Variants in PIEZO2 observed in about 807,000 individuals in gnomAD.
The protein encoded by PIEZO2 is piezo-type mechanosensitive ion channel component 2.
Under a neutral mutation model 337.3 loss-of-function variants are expected in PIEZO2, and 172 were observed. The observed-to-expected ratio is 0.51, with a 90% CI of 0.45 to 0.58. The LOEUF (loss-of-function observed/expected upper bound fraction) is 0.58, where lower values mean the gene tolerates loss of function less well. PIEZO2 is among the 20% of genes least tolerant of loss of function. The pLI, the probability that PIEZO2 is intolerant of heterozygous loss-of-function variation, is 0.00. For synonymous variants in PIEZO2, 1,251 were observed against 1,228.5 expected, an observed-to-expected ratio of 1.02 and a Z score of -0.38; for missense variants, 3,028 against 3,391.3, an observed-to-expected ratio of 0.89 and a Z score of 2.66.
intron 3 of PIEZO2, among the ~76,000 whole-genome samples, chr18:10,956,478 C>T (rs755070552): frequency 1.3e-5 from 2 of 152,120 alleles, no homozygotes; most frequent in Non-Finnish European, 2.9e-5. Context: ...AGATTCAATG[C>T]AATCCCTCTC....
intron 4 of PIEZO2, among the ~76,000 whole-genome samples, chr18:10,896,742 C>G (rs1309070694): frequency 6.6e-6 from 1 of 152,190 alleles, no homozygotes; most frequent in Non-Finnish European, 1.5e-5. Flanking sequence ...TCTCATGGCT[C>G]ACAAATTCAG....
chr18:11,130,516 A>G (rs2040310346), intron 1 of PIEZO2, among the ~76,000 whole-genome samples: 1 of 152,206 alleles, frequency 6.6e-6, no homozygotes. Context: ...TTTCACTTCC[A>G]CAAGATATCA....
At chr18:11,034,628 T>A (rs929571907) in intron 2 of PIEZO2, among the ~76,000 whole-genome samples, 4 of 152,226 alleles carry the variant, frequency 2.6e-5, no homozygotes, top group Non-Finnish European at 4.4e-5. Flanking sequence ...TCACTTAGTC[T>A]TATCCTCCTA....
chr18:10,938,841 C>T (rs1049497491), intron 3 of PIEZO2, among the ~76,000 whole-genome samples: 6 of 152,162 alleles, frequency 3.9e-5, no homozygotes, highest in African/African-American at 1.4e-4. Flanking sequence ...AATCCCAGCA[C>T]TTTGGGAGGC....
chr18:10,805,255 T>C (rs1036736545), intron 8 of PIEZO2, among the ~76,000 whole-genome samples: 1 of 152,266 alleles, frequency 6.6e-6, no homozygotes, highest in South Asian at 2.1e-4. Context: ...GGCTCATGCC[T>C]GTAATCCCAG....
At chr18:11,024,255 A>G (rs1169189846) in intron 2 of PIEZO2, among the ~76,000 whole-genome samples, 1 of 152,122 alleles carries the variant, frequency 6.6e-6, no homozygotes, top group African/African-American at 2.4e-5. Flanking sequence ...CTGAAAAAAA[A>G]ATCAAGTAGG....
intron 1 of PIEZO2, among the ~76,000 whole-genome samples, chr18:11,067,794 T>C (rs1034834344): frequency 1.3e-5 from 2 of 152,244 alleles, no homozygotes; most frequent in African/African-American, 2.4e-5. Context: ...TTTTTACAAA[T>C]GGACAGATTA....
chr18:10,884,220 C>T (rs2042508631), intron 4 of PIEZO2, among the ~76,000 whole-genome samples: 2 of 152,212 alleles, frequency 1.3e-5, no homozygotes, highest in African/African-American at 4.8e-5. Flanking sequence ...CCAGTTGTCG[C>T]AAATGAGAGG....
At chr18:10,697,639 A>G in intron 45 of PIEZO2, 109 bp downstream of exon 45, 1 of 1,416,334 alleles carries the variant, frequency 7.1e-7, no homozygotes, top group Non-Finnish European at 9.5e-7. Context: ...CGCAGATAAC[A>G]TTTGTGACAC....
chr18:10,726,645 C>T lies in PIEZO2; in HGVS notation c.5029+4762G>A. The T allele has an allele frequency of 7.1e-7, 1 of 1,410,098 alleles. No homozygotes were observed. Among genetic ancestry groups the T allele is most frequent in the Non-Finnish European group, 9.6e-7 (1 of 1,042,156 alleles). The allele number at this position is 1,410,098 out of a possible 1,614,324, so 87.3% of individuals were successfully genotyped here. On this transcript the variant is annotated intron_variant, in intron 36 of 55. Coordinates refer to ENST00000674853, the MANE Select transcript of PIEZO2 (RefSeq NM_001378183.1). The surrounding 1 kb of genome is among the most constrained non-coding windows in gnomAD (Gnocchi z 5.9). ...TGCGCTGGGAGTACTGCGCGCGCGCCAAGCGCGGCCAGACAGACACCTCGC... is the reference window on the plus strand; with the variant it reads ...TGCGCTGGGAGTACTGCGCGCGCGCTAAGCGCGGCCAGACAGACACCTCGC...
At position 10,724,905 on chromosome 18, in the gene PIEZO2, C is replaced by T; in HGVS notation, c.5029+6502G>A. 5.0e-6 allele frequency: 8 copies of T among 1,609,222 alleles called. No individual in the cohort carries two copies. The highest frequency in any genetic ancestry group is 6.8e-6 in the Non-Finnish European group (8 of 1,178,106). ...GTACTGGCCGGCGGGGGCGTGGCAC[C>T]CTGGGACAGCCTCCACCTGGACGGC... is the stretch of plus-strand genomic sequence containing the variant. On this transcript the variant is annotated intron_variant, in intron 36 of 55. Transcript: ENST00000674853. This position sits in a 1 kb window ranked among gnomAD's most constrained non-coding sequence, Gnocchi z 5.8.
intron 3 of PIEZO2, among the ~76,000 whole-genome samples, chr18:10,921,187 A>C (rs1568200814): frequency 6.6e-6 from 1 of 152,166 alleles, no homozygotes; most frequent in Non-Finnish European, 1.5e-5. Flanking sequence ...GATGTGTATC[A>C]AAAAAGTTTC....
intron 35 of PIEZO2, among the ~76,000 whole-genome samples, chr18:10,734,355 C>T (rs2036910017): frequency 6.6e-6 from 1 of 152,174 alleles, no homozygotes; most frequent in African/African-American, 2.4e-5. Flanking sequence ...TTGTGCTTCA[C>T]ATGAGAGTTT....
At position 11,047,972 on chromosome 18, in the gene PIEZO2, C is replaced by T. The variant is rs985348507; in HGVS notation, c.160+18155G>A. 1.4e-4 allele frequency among the ~76,000 whole-genome samples: 22 copies of T among 152,142 alleles called. No homozygotes were observed. The highest frequency in any genetic ancestry group is 4.8e-4 in the African/African-American group (20 of 41,442). On this transcript the variant is annotated intron_variant, in intron 2 of 55. Transcript: ENST00000674853. This position sits in a 1 kb window ranked among gnomAD's most constrained non-coding sequence, Gnocchi z 7.2. ...AAATCCACATGCAATCCTGCACACA[C>T]GCATGCTCAGGTACTCCAGGCCTTC...
chr18:10,771,252 G>A (rs2038594426), intron 20 of PIEZO2, among the ~76,000 whole-genome samples: 1 of 152,258 alleles, frequency 6.6e-6, no homozygotes, highest in Non-Finnish European at 1.5e-5. Flanking sequence ...GGAAGAGCTT[G>A]CTCCTTGTCA....
chr18:10,687,051 C>T (rs1422247981), intron 49 of PIEZO2, among the ~76,000 whole-genome samples: 2 of 152,134 alleles, frequency 1.3e-5, no homozygotes, highest in African/African-American at 4.8e-5. Flanking sequence ...CTGAGGCTCT[C>T]AAAGTATCAC....
chr18:10,697,017 C>A (rs186286629), intron 45 of PIEZO2, among the ~76,000 whole-genome samples: 43 of 152,274 alleles, frequency 2.8e-4, no homozygotes, highest in Admixed American at 5.9e-4. Context: ...TTGGTCCATG[C>A]GCGTTTGAAT....
At position 10,775,732 on chromosome 18, in the gene PIEZO2, C is replaced by T. The variant is rs1054081387; in HGVS notation, c.2535-1694G>A. Reference sequence around the variant, plus strand: ...AATCAGAGGAAGACACTGGAGTAAGCCTTTTGGAAGTAGGTCCACAAGGCT... The same window carrying T: ...AATCAGAGGAAGACACTGGAGTAAGTCTTTTGGAAGTAGGTCCACAAGGCT... On this transcript the variant is annotated intron_variant, in intron 18 of 55. Transcript: ENST00000674853. This position sits in a 1 kb window ranked among gnomAD's most constrained non-coding sequence, Gnocchi z 4.3. Among the ~76,000 whole-genome samples the T allele has an allele frequency of 1.3e-5, 2 of 152,054 alleles. No homozygotes were observed. The highest frequency in any genetic ancestry group is 2.4e-5 in the African/African-American group (1 of 41,404).
In PIEZO2 at chr18:10,821,034, A is replaced by G. The variant is rs1345314399; in HGVS notation, c.918-13760T>C. Among the ~76,000 whole-genome samples the G allele has an allele frequency of 6.6e-6, 1 of 152,184 alleles. No homozygotes were observed. Among genetic ancestry groups the G allele is most frequent in the African/African-American group, 2.4e-5 (1 of 41,456 alleles). On this transcript the variant is annotated intron_variant, in intron 7 of 55. Transcript: ENST00000674853. This position sits in a 1 kb window ranked among gnomAD's most constrained non-coding sequence, Gnocchi z 4.2. Reference sequence around the variant, plus strand: ...AGTCTTACCTATGCATGCACAGCTTAGAATTCAGCTAAAGTGTCTAGATGA... The same window carrying G: ...AGTCTTACCTATGCATGCACAGCTTGGAATTCAGCTAAAGTGTCTAGATGA...
Sources: gnomAD v4.1 joint callset for allele counts (sites outside exome capture counted in the v4.1 genomes callset) on GRCh38, gnomAD v4.1.1 for gene constraint, Gnocchi (gnomAD v3.1) non-coding constraint, MANE v1.5 for transcripts, NCBI Gene and HGNC (gene_info 2026-07-23, HGNC 2026-07-21) for gene names.